CENPW: variants seen among roughly 807,000 people sequenced by gnomAD.
CENPW encodes centromere protein W, also known as cancer-up-regulated gene 2 protein.
Under a neutral mutation model 11.1 loss-of-function variants are expected in CENPW, and 3 were observed. The ratio of observed to expected loss-of-function variants is 0.27; its 90% confidence interval spans 0.12 to 0.70. CENPW has a LOEUF of 0.70. CENPW is among the 30% of genes least tolerant of loss of function. The pLI, the probability that CENPW is intolerant of heterozygous loss-of-function variation, is 0.77. For synonymous variants in CENPW, 38 were observed against 42.0 expected (o/e 0.91, Z 0.37); for missense variants, 100 against 105.6 (o/e 0.95, Z 0.23).
the CENPW span, among the ~76,000 whole-genome samples, chr6:126,364,888 G>T: frequency 6.6e-6 from 1 of 152,128 alleles, no homozygotes; most frequent in Non-Finnish European, 1.5e-5. Context: ...TTGCATAATA[G>T]TTAAGGTATT....
the CENPW span, among the ~76,000 whole-genome samples, chr6:126,460,620 G>A: frequency 2.6e-5 from 4 of 151,658 alleles, no homozygotes; most frequent in Admixed American, 1.3e-4. Context: ...TAGTGTTAAC[G>A]AAAACCAGAG....
the CENPW span, among the ~76,000 whole-genome samples, chr6:126,416,878 G>A: frequency 6.6e-6 from 1 of 152,306 alleles, no homozygotes; most frequent in African/African-American, 2.4e-5. Context: ...GGGAAATATG[G>A]GGTTGGAGCC....
chr6:126,369,161 T>C, the CENPW span, among the ~76,000 whole-genome samples: 9 of 152,102 alleles, frequency 5.9e-5, no homozygotes, highest in African/African-American at 1.7e-4. Flanking sequence ...TATATATATA[T>C]ACCACAATTT....
At chr6:126,399,572 TTTC>T in the CENPW span, among the ~76,000 whole-genome samples, 8 of 152,012 alleles carry the variant, frequency 5.3e-5, no homozygotes, top group South Asian at 2.1e-4. Context: ...TACATCTGTT[TTTC>T]TTTTTTATTA....
chr6:126,462,528 T>TCACACA, the CENPW span, among the ~76,000 whole-genome samples: 1 of 147,768 alleles, frequency 6.8e-6, no homozygotes, highest in African/African-American at 2.5e-5. Context: ...TCTCTCTCTC[T>TCACACA]CTCTCACACA....
At chr6:126,416,964 T>C in the CENPW span, among the ~76,000 whole-genome samples, 4 of 152,030 alleles carry the variant, frequency 2.6e-5, no homozygotes, top group African/African-American at 9.7e-5. Context: ...GACCCCAAAA[T>C]TGTAGATCCA....
At chr6:126,403,034 G>A in the CENPW span, among the ~76,000 whole-genome samples, 1 of 151,980 alleles carries the variant, frequency 6.6e-6, no homozygotes, top group East Asian at 1.9e-4. Flanking sequence ...GTCTTTTATG[G>A]TGATCTGTAA....
the CENPW span, among the ~76,000 whole-genome samples, chr6:126,474,333 ATTCAGAATAATATAAT>A: frequency 2.6e-5 from 4 of 151,976 alleles, no homozygotes; most frequent in Non-Finnish European, 5.9e-5. Context: ...CTTGCTAAGG[ATTCAGAATAATATAAT>A]TTTCCCCATG....
the CENPW span, among the ~76,000 whole-genome samples, chr6:126,467,506 G>A: frequency 6.6e-6 from 1 of 152,060 alleles, no homozygotes; most frequent in South Asian, 2.1e-4. Flanking sequence ...TATGTCAAAG[G>A]GAAACAAGAG....
the CENPW span, among the ~76,000 whole-genome samples, chr6:126,399,567 CTG>C: frequency 6.7e-6 from 1 of 150,268 alleles, no homozygotes; most frequent in South Asian, 2.1e-4. Flanking sequence ...CATTTTACAT[CTG>C]TTTTTCTTTT....
the CENPW span, among the ~76,000 whole-genome samples, chr6:126,410,023 GT>G: frequency 6.6e-5 from 10 of 151,104 alleles, no homozygotes; most frequent in South Asian, 2.1e-4. Context: ...TGATATGGTG[GT>G]TTTTTTTATG....
chr6:126,416,593 C>T, the CENPW span, among the ~76,000 whole-genome samples: 414 of 152,214 alleles, frequency 2.7e-3, no homozygotes, highest in Non-Finnish European at 4.9e-3. Flanking sequence ...GTGCTGTGTG[C>T]AGCCTAGGGA....
downstream of CENPW, among the ~76,000 whole-genome samples, chr6:126,352,567 T>C (rs1450023804): frequency 2.0e-5 from 3 of 152,156 alleles, no homozygotes; most frequent in African/African-American, 4.8e-5. Context: ...TCTACCTTAC[T>C]GAGACTTGGC....
At chr6:126,422,620 T>C in the CENPW span, among the ~76,000 whole-genome samples, 1 of 152,246 alleles carries the variant, frequency 6.6e-6, no homozygotes, top group East Asian at 1.9e-4. Context: ...TTTCATTACC[T>C]GCAAAAGATA....
At chr6:126,399,011 G>T in the CENPW span, among the ~76,000 whole-genome samples, 2 of 151,902 alleles carry the variant, frequency 1.3e-5, no homozygotes, top group African/African-American at 4.8e-5. Context: ...TGACTGTGTA[G>T]TATTCCATTG....
chr6:126,423,187 A>C, the CENPW span, among the ~76,000 whole-genome samples: 1 of 152,090 alleles, frequency 6.6e-6, no homozygotes, highest in Non-Finnish European at 1.5e-5. Context: ...CAAGAAGTAC[A>C]TCTTTAATTA....
chr6:126,400,627 CTTG>C, the CENPW span, among the ~76,000 whole-genome samples: 1 of 151,870 alleles, frequency 6.6e-6, no homozygotes, highest in Non-Finnish European at 1.5e-5. Flanking sequence ...AAATATTCTT[CTTG>C]TTTTATTTTG....
At chr6:126,409,787 A>G in the CENPW span, among the ~76,000 whole-genome samples, 1 of 151,864 alleles carries the variant, frequency 6.6e-6, no homozygotes, top group African/African-American at 2.4e-5. Context: ...TTTCACTTTC[A>G]ATCTATACAC....
the CENPW span, among the ~76,000 whole-genome samples, chr6:126,362,846 A>T: frequency 6.6e-6 from 1 of 152,082 alleles, no homozygotes; most frequent in African/African-American, 2.4e-5. Flanking sequence ...TTCATACTGG[A>T]AACACTCTTC....
Sources: allele counts gnomAD v4.1 joint callset (sites outside exome capture counted in the v4.1 genomes callset), GRCh38; gene constraint gnomAD v4.1.1; transcripts MANE v1.5; gene names NCBI Gene and HGNC (gene_info 2026-07-23, HGNC 2026-07-21).